The following CHCHD6 variants were observed in gnomAD, a reference collection of about 807,000 sequenced individuals.
CHCHD6 encodes the protein coiled-coil-helix-coiled-coil-helix domain containing 6.
A neutral mutation model predicts 32.3 loss-of-function variants in CHCHD6; 28 were observed. That is an observed-to-expected ratio of 0.87 (90% confidence interval 0.64 to 1.19). The LOEUF (loss-of-function observed/expected upper bound fraction) is 1.19, where lower values mean the gene tolerates loss of function less well. Ranked by LOEUF, CHCHD6 falls within the 50% of genes most tolerant of loss-of-function variation. The pLI, the probability that CHCHD6 is intolerant of heterozygous loss-of-function variation, is 0.00. For synonymous variants in CHCHD6, 122 were observed against 117.5 expected, an observed-to-expected ratio of 1.04 and a Z score of -0.25; for missense variants, 333 against 307.0, an observed-to-expected ratio of 1.08 and a Z score of -0.63.
chr3:126,930,400 G>C (rs2078387241), intron 6 of CHCHD6, among the ~76,000 whole-genome samples: 1 of 152,226 alleles, frequency 6.6e-6, no homozygotes, highest in African/African-American at 2.4e-5. Context: ...TGGTGGTCCA[G>C]CCATAGTTCT....
At chr3:126,868,274 G>T (rs1183864066) in intron 5 of CHCHD6, among the ~76,000 whole-genome samples, 3 of 152,226 alleles carry the variant, frequency 2.0e-5, no homozygotes, top group Non-Finnish European at 4.4e-5. Context: ...CAGAGCCTGG[G>T]CTGAGGTGGA....
chr3:126,783,578 T>G (rs1488556155), intron 4 of CHCHD6, among the ~76,000 whole-genome samples: 1 of 152,262 alleles, frequency 6.6e-6, no homozygotes, highest in Non-Finnish European at 1.5e-5. Context: ...CTGTTAGAAC[T>G]GTAAAATTGC....
At chr3:126,722,251 G>A (rs1233503277) in intron 1 of CHCHD6, among the ~76,000 whole-genome samples, 1 of 152,176 alleles carries the variant, frequency 6.6e-6, no homozygotes, top group Non-Finnish European at 1.5e-5. Flanking sequence ...GACTTCCTGG[G>A]CTCAAGCAAT....
intron 4 of CHCHD6, among the ~76,000 whole-genome samples, chr3:126,831,023 G>A (rs1940615903): frequency 6.7e-6 from 1 of 149,130 alleles, no homozygotes; most frequent in South Asian, 2.1e-4. Context: ...GGCCCTGCCA[G>A]TCTTCTTTTT....
intron 4 of CHCHD6, among the ~76,000 whole-genome samples, chr3:126,736,926 T>G (rs1412514103): frequency 6.6e-6 from 1 of 152,164 alleles, no homozygotes; most frequent in Non-Finnish European, 1.5e-5. Context: ...AAGTCCTGGG[T>G]GAGGCTTTAT....
intron 7 of CHCHD6, 139 bp from the exon 8 acceptor site, chr3:126,960,057 G>T (rs550979485): frequency 2.4e-4 from 227 of 944,502 alleles, no homozygotes; most frequent in Non-Finnish European, 3.2e-4. Context: ...GAGACTCACT[G>T]ATGGGTCTCC....
chr3:126,812,061 C>T (rs1939677992), intron 4 of CHCHD6, among the ~76,000 whole-genome samples: 1 of 151,042 alleles, frequency 6.6e-6, no homozygotes, highest in African/African-American at 2.4e-5. Flanking sequence ...CAGGCCCTCT[C>T]ATAAAGTTTA....
intron 5 of CHCHD6, among the ~76,000 whole-genome samples, chr3:126,865,112 C>T (rs1942232182): frequency 1.5e-5 from 2 of 133,724 alleles, no homozygotes. Context: ...CCACCACCTC[C>T]ACTTCTTCCT....
intron 5 of CHCHD6, among the ~76,000 whole-genome samples, chr3:126,895,673 G>A (rs2077828588): frequency 6.6e-6 from 1 of 152,220 alleles, no homozygotes; most frequent in Non-Finnish European, 1.5e-5. Context: ...TTTAGGCATG[G>A]AAACAGAGCT....
intron 4 of CHCHD6, among the ~76,000 whole-genome samples, chr3:126,780,875 A>T (rs530865990): frequency 6.6e-6 from 1 of 152,230 alleles, no homozygotes; most frequent in South Asian, 2.1e-4. Context: ...GTGCTATTCC[A>T]CCTGTGTCTG....
At chr3:126,783,025 C>T (rs1335235518) in intron 4 of CHCHD6, among the ~76,000 whole-genome samples, 1 of 152,128 alleles carries the variant, frequency 6.6e-6, no homozygotes, top group East Asian at 1.9e-4. Flanking sequence ...CTATAGTCAC[C>T]ATTCTGTACA....
chr3:126,902,420 T>TA (rs912373521), intron 5 of CHCHD6, among the ~76,000 whole-genome samples: 3 of 152,050 alleles, frequency 2.0e-5, no homozygotes, highest in African/African-American at 4.8e-5. Flanking sequence ...TTCAGATTTT[T>TA]AAAAAATCAA....
intron 6 of CHCHD6, among the ~76,000 whole-genome samples, chr3:126,928,765 C>T (rs981202203): frequency 1.3e-5 from 2 of 152,106 alleles, no homozygotes; most frequent in Non-Finnish European, 2.9e-5. Context: ...GTCCCCACCA[C>T]CACACACACA....
intron 4 of CHCHD6, among the ~76,000 whole-genome samples, chr3:126,764,757 G>A (rs982073657): frequency 6.6e-6 from 1 of 152,226 alleles, no homozygotes; most frequent in Non-Finnish European, 1.5e-5. Context: ...AAAGAGACCT[G>A]TCCAGGCAAA....
At position 126,804,356 on chromosome 3, in the gene CHCHD6, C is replaced by T. The variant is rs199829340; in HGVS notation, c.412-48291C>T. On this transcript the variant is annotated intron_variant, in intron 4 of 7. Transcript: ENST00000290913. ...AAAAAAGAGAGAAGAATCAAATAGA[C>T]GCAATAAAAAATGATAAAGGGGATA... Among the ~76,000 whole-genome samples the T allele has an allele frequency of 3.6e-3, 553 of 151,832 alleles. 10 individuals are homozygous for T. The highest frequency in any genetic ancestry group is 0.028 in the East Asian group (143 of 5,166).
intron 6 of CHCHD6, among the ~76,000 whole-genome samples, chr3:126,918,841 T>C (rs1277605858): frequency 6.6e-6 from 1 of 152,358 alleles, no homozygotes; most frequent in East Asian, 1.9e-4. Context: ...TCTTCTAATG[T>C]ATGCATTTAA....
chr3:126,713,762 G>GTT (rs1934871045), intron 1 of CHCHD6, among the ~76,000 whole-genome samples: 1 of 152,144 alleles, frequency 6.6e-6, no homozygotes, highest in Non-Finnish European at 1.5e-5. Context: ...TTGGATAAAA[G>GTT]TTTAAGCCAC....
chr3:126,722,916 T>G (rs923158291), intron 1 of CHCHD6, among the ~76,000 whole-genome samples: 21 of 152,232 alleles, frequency 1.4e-4, no homozygotes, highest in African/African-American at 4.8e-4. Flanking sequence ...TGTTTTCTAA[T>G]AAGAGTTTTA....
chr3:126,883,326 G>A (rs1011108726), intron 5 of CHCHD6, among the ~76,000 whole-genome samples: 3 of 152,216 alleles, frequency 2.0e-5, no homozygotes, highest in Non-Finnish European at 2.9e-5. Flanking sequence ...GAGGTCCTGT[G>A]ACTGGTATCT....
Sources: allele counts gnomAD v4.1 joint callset (sites outside exome capture counted in the v4.1 genomes callset), GRCh38; gene constraint gnomAD v4.1.1; transcripts MANE v1.5; gene names NCBI Gene and HGNC (gene_info 2026-07-23, HGNC 2026-07-21).